GTF2H1: variants seen among roughly 807,000 people sequenced by gnomAD.
GTF2H1 encodes BTF2 p62.
Under a neutral mutation model 71.2 loss-of-function variants are expected in GTF2H1, and 16 were observed. The ratio of observed to expected loss-of-function variants is 0.22; its 90% confidence interval spans 0.15 to 0.34. The LOEUF (loss-of-function observed/expected upper bound fraction) is 0.34. Among genes scored for constraint, GTF2H1 ranks in the 10% least tolerant of loss-of-function variants. The pLI is 1.00. For synonymous variants in GTF2H1, 215 were observed against 219.0 expected, an observed-to-expected ratio of 0.98 and a Z score of 0.16; for missense variants, 498 against 648.2, an observed-to-expected ratio of 0.77 and a Z score of 2.52.
chr11:18,327,877 C>G (rs1590179212), intron 1 of GTF2H1, among the ~76,000 whole-genome samples: 1 of 152,206 alleles, frequency 6.6e-6, no homozygotes, highest in African/African-American at 2.4e-5. Flanking sequence ...ACGTGAGCCA[C>G]CCTGCCCAGC....
rs938786186 is a variant in GTF2H1 at position 18,322,570 on chromosome 11, C to G, written c.-186C>G. ...CTACTTCCGGTCACGTGCCCTCAGA[C>G]TCCTCGCAGCCAGCGATGGAGGCGA... On this transcript the variant is annotated 5_prime_UTR_variant, in exon 1 of 15. Transcript: ENST00000265963. 1 of 152,256 alleles carries G rather than the reference C, an allele frequency of 6.6e-6. No individual in the cohort carries two copies. The highest frequency in any genetic ancestry group is 2.4e-5 in the African/African-American group (1 of 41,452). The allele number at this position is 152,256 out of a possible 1,614,324, so 9.4% of individuals were successfully genotyped here.
chr11:18,362,325 G>T (rs983772957), intron 14 of GTF2H1, among the ~76,000 whole-genome samples: 1 of 152,192 alleles, frequency 6.6e-6, no homozygotes, highest in Non-Finnish European at 1.5e-5. Context: ...TGCAGGACTA[G>T]AAGTTGCTCT....
At chr11:18,346,898 C>T (rs1398061388) in intron 7 of GTF2H1, among the ~76,000 whole-genome samples, 1 of 150,910 alleles carries the variant, frequency 6.6e-6, no homozygotes, top group East Asian at 2.0e-4. Context: ...TGCCACCATA[C>T]CTGGCTAATT....
chr11:18,332,944 C>T (rs1454959939), intron 1 of GTF2H1, 116 bp from the exon 2 acceptor site: 1 of 593,178 alleles, frequency 1.7e-6, no homozygotes, highest in African/African-American at 1.9e-5. Context: ...TTCTTCTTCC[C>T]CGTTAATTTC....
chr11:18,348,143 G>T (rs1590192796), intron 9 of GTF2H1: 1 of 533,792 alleles, frequency 1.9e-6, no homozygotes, highest in South Asian at 2.7e-5. Flanking sequence ...ATTGTTTTTT[G>T]TTTGTTTGTT....
intron 1 of GTF2H1, among the ~76,000 whole-genome samples, chr11:18,323,111 T>G (rs1864575598): frequency 6.6e-6 from 1 of 152,150 alleles, no homozygotes; most frequent in Admixed American, 6.5e-5. Flanking sequence ...TCTGCACACC[T>G]TTTGCTTCCA....
At chr11:18,332,933 T>G in intron 1 of GTF2H1, 127 bp from the exon 2 acceptor site, 3 of 570,314 alleles carry the variant, frequency 5.3e-6, no homozygotes, top group Non-Finnish European at 5.8e-6. Context: ...GAAAAGAGAC[T>G]TTCTTCTTCC....
At chr11:18,328,610 C>G (rs1377443941) in intron 1 of GTF2H1, among the ~76,000 whole-genome samples, 1 of 151,280 alleles carries the variant, frequency 6.6e-6, no homozygotes, top group African/African-American at 2.4e-5. Context: ...GGATCACTTG[C>G]GTCCAGGAGT....
In GTF2H1 at chr11:18,338,234, C is replaced by G. The variant is rs1166419678; in HGVS notation, c.473C>G (p.Ser158Cys). The G allele has an allele frequency of 1.2e-6, 2 of 1,610,192 alleles. No homozygotes were observed. Among genetic ancestry groups the G allele is most frequent in the South Asian group, 2.2e-5 (2 of 91,010 alleles). Residue 158 changes from serine to cysteine, a missense_variant, in exon 4 of 15, where the codon TCC (serine) becomes TGC (cysteine). Transcript: ENST00000265963. ...NVNATDSSSTSNHKQDVGISA... is the reference protein window; with the variant it reads ...NVNATDSSSTCNHKQDVGISA... ...AATGCAACAGATAGTTCTTCCACATCCAATCATAAGCAGGATGTTGGCATT... is the reference window on the plus strand; with the variant it reads ...AATGCAACAGATAGTTCTTCCACATGCAATCATAAGCAGGATGTTGGCATT...
At chr11:18,340,471 A>G (rs531604635) in intron 5 of GTF2H1, among the ~76,000 whole-genome samples, 2 of 152,064 alleles carry the variant, frequency 1.3e-5, no homozygotes, top group Admixed American at 6.5e-5. Context: ...TATTTTTTGT[A>G]GAGATGGGGT....
chr11:18,360,520 C>T, intron 13 of GTF2H1, 95 bp from the exon 14 acceptor site: 3 of 602,092 alleles, frequency 5.0e-6, no homozygotes, highest in Non-Finnish European at 8.7e-6. Context: ...AAAAATTCTA[C>T]AAGAAAAGTA....
chr11:18,359,794 G>A (rs146996484), intron 13 of GTF2H1, among the ~76,000 whole-genome samples: 2 of 148,638 alleles, frequency 1.3e-5, no homozygotes, highest in African/African-American at 2.5e-5. Context: ...CACTGCAGCC[G>A]CTACCTTCTG....
chr11:18,323,194 T>G lies in GTF2H1; in HGVS notation c.-16+454T>G, dbSNP rs1032054902. Reference sequence around the variant, plus strand: ...ACACTCCTAGTTTTGGTCATTTGATTGTCGTGTAATGATGAAAAATAGACC... The same window carrying G: ...ACACTCCTAGTTTTGGTCATTTGATGGTCGTGTAATGATGAAAAATAGACC... On this transcript the variant is annotated intron_variant, in intron 1 of 14. Transcript: ENST00000265963. Among the ~76,000 whole-genome samples, 13 of 152,270 alleles carry G rather than the reference T, an allele frequency of 8.5e-5. No individual in the cohort carries two copies. The East Asian group carries it at 2.1e-3, about 25-fold the overall frequency.
At chr11:18,335,100 G>A (rs1864992792) in intron 2 of GTF2H1, among the ~76,000 whole-genome samples, 4 of 151,990 alleles carry the variant, frequency 2.6e-5, no homozygotes, top group Admixed American at 2.0e-4. Flanking sequence ...ATTTATTCCT[G>A]TATACCTGTA....
intron 3 of GTF2H1, among the ~76,000 whole-genome samples, chr11:18,337,288 A>G (rs1219785212): frequency 1.3e-5 from 2 of 152,128 alleles, no homozygotes; most frequent in African/African-American, 2.4e-5. Context: ...ATATCTATGT[A>G]TACAAAAATT....
intron 13 of GTF2H1, among the ~76,000 whole-genome samples, chr11:18,360,042 C>G (rs1004549832): frequency 6.6e-6 from 1 of 151,930 alleles, no homozygotes; most frequent in African/African-American, 2.4e-5. Context: ...CCACTGCACT[C>G]CAGCCTGGGT....
chr11:18,356,222 A>T (rs1013697802), intron 11 of GTF2H1, among the ~76,000 whole-genome samples: 4 of 152,048 alleles, frequency 2.6e-5, no homozygotes, highest in Non-Finnish European at 5.9e-5. Flanking sequence ...TACCAAAAAT[A>T]CAAAAATTAA....
chr11:18,362,745 A>T (rs1865733929), intron 14 of GTF2H1, among the ~76,000 whole-genome samples: 1 of 141,984 alleles, frequency 7.0e-6, no homozygotes, highest in Non-Finnish European at 1.5e-5. Context: ...ATCACAGCTC[A>T]TTGCAACCTC....
chr11:18,352,220 G>A lies in GTF2H1; in HGVS notation c.1143-109G>A, dbSNP rs772476985. The A allele has an allele frequency of 1.4e-5, 9 of 651,410 alleles. No individual in the cohort carries two copies. In the Admixed American group the frequency reaches 1.8e-4, roughly 13 times the overall value. The allele number at this position is 651,410 out of a possible 1,614,324, so 40.4% of individuals were successfully genotyped here. On this transcript the variant is annotated intron_variant, in intron 10 of 14. Coordinates refer to ENST00000265963, the MANE Select transcript of GTF2H1 (RefSeq NM_005316.4). ...TTTTATTGAAATCTCTTTACTTATC[G>A]TTTCTTGCCTTGAGGGGAACTTAGT...
Sources: allele counts gnomAD v4.1 joint callset (sites outside exome capture counted in the v4.1 genomes callset), GRCh38; gene constraint gnomAD v4.1.1; transcripts MANE v1.5; gene names NCBI Gene and HGNC (gene_info 2026-07-23, HGNC 2026-07-21).